UMODL1: variants seen among roughly 807,000 people sequenced by gnomAD.
The protein encoded by UMODL1 is uromodulin like 1, also known as uromodulin-like 1.
UMODL1 carries 128 observed loss-of-function variants against 136.3 expected under a neutral mutation model. The observed-to-expected ratio is 0.94, with a 90% CI of 0.81 to 1.09. The LOEUF (loss-of-function observed/expected upper bound fraction) is 1.09, where lower values mean the gene tolerates loss of function less well. Among genes scored for constraint, UMODL1 ranks in the 50% least tolerant of loss-of-function variants. UMODL1 has a pLI of 0.00. For missense variants in UMODL1, 1,766 were observed against 1,725.6 expected (o/e 1.02, Z -0.41); for synonymous variants, 721 against 720.0 (o/e 1.00, Z -0.02).
intron 20 of UMODL1, 133 bp from the exon 21 acceptor site, chr21:42,129,580 T>C: frequency 2.6e-6 from 2 of 759,422 alleles, no homozygotes; most frequent in Non-Finnish European, 4.0e-6. Flanking sequence ...CTGTCTAAAC[T>C]CAGCCCCCTT....
chr21:42,100,480 C>T (rs1569154321), intron 7 of UMODL1, among the ~76,000 whole-genome samples: 1 of 152,064 alleles, frequency 6.6e-6, no homozygotes, highest in Non-Finnish European at 1.5e-5. Context: ...CCCTCAAGCA[C>T]CCCGGCCACC....
At chr21:42,112,361 ATTT>A (rs2066844501) in intron 12 of UMODL1, among the ~76,000 whole-genome samples, 2 of 147,250 alleles carry the variant, frequency 1.4e-5, no homozygotes, top group African/African-American at 5.1e-5. Flanking sequence ...GAGATTCTGC[ATTT>A]CCCCAGCTGT....
At chr21:42,081,995 C>T (rs1444927248) in intron 2 of UMODL1, among the ~76,000 whole-genome samples, 1 of 152,210 alleles carries the variant, frequency 6.6e-6, no homozygotes, top group Non-Finnish European at 1.5e-5. Flanking sequence ...GTTCATTTTT[C>T]ATGCACGGCC....
At chr21:42,074,548 T>C (rs1218939303) in intron 1 of UMODL1, among the ~76,000 whole-genome samples, 2 of 152,192 alleles carry the variant, frequency 1.3e-5, no homozygotes, top group South Asian at 2.1e-4. Context: ...GTGAATGTCA[T>C]GGGGCCAGGG....
At chr21:42,134,368 T>C (rs1015553522) in intron 21 of UMODL1, among the ~76,000 whole-genome samples, 3 of 152,244 alleles carry the variant, frequency 2.0e-5, no homozygotes, top group Non-Finnish European at 4.4e-5. Context: ...ATGGCCTTTC[T>C]TTTCCTAGCT....
intron 17 of UMODL1, among the ~76,000 whole-genome samples, chr21:42,124,096 T>C (rs896394631): frequency 1.3e-5 from 2 of 152,216 alleles, no homozygotes; most frequent in Admixed American, 6.5e-5. Flanking sequence ...CTCCAGGTCC[T>C]GCTTCTTCCC....
In UMODL1 at chr21:42,137,614, C is replaced by T. The variant is rs754820828; in HGVS notation, c.3951C>T (p.Tyr1317=). The T allele has an allele frequency of 1.9e-5, 30 of 1,611,578 alleles. No individual in the cohort carries two copies. Among genetic ancestry groups the T allele is most frequent in the Admixed American group, 6.7e-5 (4 of 59,736 alleles). ...QSNNFSYQVF[Y]E is the part of the protein sequence containing the mutation. ...ACAACTTCAGCTACCAGGTGTTCTACGAATAGGAGGCGCAGGCTGACAGGA... is the reference window on the plus strand; with the variant it reads ...ACAACTTCAGCTACCAGGTGTTCTATGAATAGGAGGCGCAGGCTGACAGGA... The change falls in exon 22 of 23, where the codon TAC becomes TAT. Residue 1317 remains tyrosine (Y), a synonymous_variant. Coordinates refer to ENST00000408910, the MANE Select transcript of UMODL1 (RefSeq NM_001004416.3).
upstream of UMODL1, among the ~76,000 whole-genome samples, chr21:42,068,726 G>C (rs550454577): frequency 1.1e-4 from 16 of 151,586 alleles, no homozygotes; most frequent in African/African-American, 3.9e-4. The surrounding 1 kb of genome is among the most constrained non-coding windows in gnomAD (Gnocchi z 5.5). Flanking sequence ...TGTGGCATAT[G>C]AGTTTGTGTT....
At chr21:42,079,431 G>C (rs1195978183) in intron 2 of UMODL1, among the ~76,000 whole-genome samples, 2 of 152,236 alleles carry the variant, frequency 1.3e-5, no homozygotes, top group African/African-American at 2.4e-5. Context: ...CCGTGGGTGA[G>C]AGTGGGCTGC....
chr21:42,129,889 T>C (rs2067111408), intron 21 of UMODL1, 92 bp downstream of exon 21: 4 of 990,180 alleles, frequency 4.0e-6, no homozygotes, highest in South Asian at 1.8e-5. Context: ...TGTTGTGAAA[T>C]GCAGAACTCT....
rs200376103 is a variant in UMODL1, at chr21:42,122,860, A to G, written c.2857A>G (p.Thr953Ala). The change falls in exon 17 of 23, where the codon ACC (threonine) becomes GCC (alanine). Residue 953 changes from threonine to alanine, a missense_variant. Physicochemically the swap from Thr to Ala is moderately conservative, Grantham distance 58. Coordinates refer to ENST00000408910, the MANE Select transcript of UMODL1 (RefSeq NM_001004416.3). This position sits in a 1 kb window ranked among gnomAD's most constrained non-coding sequence, Gnocchi z 4.3. ...GDSPGNETWA[T>A]SPERPLTTAG... ...CTCTCCTGGCAATGAAACCTGGGCCACCAGCCCAGAGAGGCCTCTCACCAC... is the reference window on the plus strand; with the variant it reads ...CTCTCCTGGCAATGAAACCTGGGCCGCCAGCCCAGAGAGGCCTCTCACCAC... 9.4e-6 allele frequency: 15 copies of G among 1,602,576 alleles called. No homozygotes were observed. In the Admixed American group the frequency reaches 2.5e-4, roughly 27 times the overall value.
At chr21:42,084,543 A>G (rs1219914990) in intron 3 of UMODL1, among the ~76,000 whole-genome samples, 2 of 152,122 alleles carry the variant, frequency 1.3e-5, no homozygotes, top group African/African-American at 4.8e-5. Flanking sequence ...CAGGAGCTCC[A>G]GGTAGATTAG....
chr21:42,126,741 C>G (rs897528436), intron 18 of UMODL1, among the ~76,000 whole-genome samples: 3 of 152,190 alleles, frequency 2.0e-5, no homozygotes, highest in Non-Finnish European at 4.4e-5. Context: ...AGGCCGCCAC[C>G]CAAGCCTCCA....
upstream of UMODL1, among the ~76,000 whole-genome samples, chr21:42,070,717 A>T (rs2066222209): frequency 6.6e-6 from 1 of 152,186 alleles, no homozygotes; most frequent in Non-Finnish European, 1.5e-5. Flanking sequence ...GTAATTTCCC[A>T]CTTTAAGTCA....
Position 42,071,328 on chromosome 21 carries a change from C to T in UMODL1, c.12C>T (p.Thr4=), listed in dbSNP as rs1478321076. MLR[T]SGLALLALVS... ...ACCACTGCCGGACGATGCTCAGGACCTCGGGGCTGGCACTGCTGGCTCTGG... is the reference window on the plus strand; with the variant it reads ...ACCACTGCCGGACGATGCTCAGGACTTCGGGGCTGGCACTGCTGGCTCTGG... Residue 4 remains threonine, a synonymous_variant, in exon 1 of 23, where the codon ACC becomes ACT. Transcript: ENST00000408910. 1 of 1,594,226 alleles carries T rather than the reference C, an allele frequency of 6.3e-7. No individual in the cohort carries two copies. Among genetic ancestry groups the T allele is most frequent in the Non-Finnish European group, 8.5e-7 (1 of 1,170,586 alleles).
chr21:42,103,257 T>C, intron 8 of UMODL1: 1 of 218,954 alleles, frequency 4.6e-6, no homozygotes. Flanking sequence ...GAGTGTTGCT[T>C]CCCAACATTT....
chr21:42,082,517 C>T (rs773794100), intron 2 of UMODL1, among the ~76,000 whole-genome samples: 19 of 152,142 alleles, frequency 1.2e-4, no homozygotes, highest in Admixed American at 3.3e-4. Flanking sequence ...TGAGTAAAGC[C>T]CCAGGGGGGC....
intron 5 of UMODL1, among the ~76,000 whole-genome samples, chr21:42,089,352 G>A (rs1018254009): frequency 2.0e-5 from 3 of 152,156 alleles, no homozygotes; most frequent in African/African-American, 7.2e-5. Flanking sequence ...TCTCCCTTCA[G>A]ATCCGCACAT....
At chr21:42,121,748 G>T (rs1245878346) in intron 16 of UMODL1, among the ~76,000 whole-genome samples, 1 of 152,200 alleles carries the variant, frequency 6.6e-6, no homozygotes, top group Non-Finnish European at 1.5e-5. Context: ...GGTATCCGGG[G>T]GGCTATAGAA....
Sources: gnomAD v4.1 joint callset for allele counts (sites outside exome capture counted in the v4.1 genomes callset) on GRCh38, gnomAD v4.1.1 for gene constraint, Gnocchi (gnomAD v3.1) non-coding constraint, MANE v1.5 for transcripts, NCBI Gene and HGNC (gene_info 2026-07-23, HGNC 2026-07-21) for gene names.